Variants in QTMAN observed in about 807,000 individuals in gnomAD.
QTMAN encodes the protein tRNA-queuosine alpha-mannosyltransferase.
chr2:144,004,927 C>T, the QTMAN span, among the ~76,000 whole-genome samples: 27 of 152,032 alleles, frequency 1.8e-4, no homozygotes, highest in African/African-American at 5.1e-4. Flanking sequence ...CAATGCTCGG[C>T]GGCTCAGTGT....
the QTMAN span, among the ~76,000 whole-genome samples, chr2:144,216,131 T>C: frequency 6.6e-6 from 1 of 152,162 alleles, no homozygotes; most frequent in East Asian, 1.9e-4. Flanking sequence ...CTTCACACAT[T>C]TATCTCACCT....
At chr2:144,119,707 T>C in the QTMAN span, among the ~76,000 whole-genome samples, 2 of 152,210 alleles carry the variant, frequency 1.3e-5, no homozygotes, top group Admixed American at 1.3e-4. Context: ...ACCTGCTTCA[T>C]GGGGCTGTCT....
the QTMAN span, among the ~76,000 whole-genome samples, chr2:144,220,677 ATC>A: frequency 6.6e-6 from 1 of 152,160 alleles, no homozygotes. Flanking sequence ...TCCCCCTTGC[ATC>A]TCTCTCCAGC....
the QTMAN span, among the ~76,000 whole-genome samples, chr2:144,304,217 C>T: frequency 3.9e-5 from 6 of 152,202 alleles, no homozygotes. Context: ...AGAAGAATCA[C>T]ACCTTAGAAA....
the QTMAN span, among the ~76,000 whole-genome samples, chr2:143,949,113 C>CGT: frequency 7.4e-3 from 1,106 of 150,014 alleles, 9 homozygotes; most frequent in African/African-American, 0.018. Context: ...GCCAAGTGTA[C>CGT]GTGTGTGTGT....
the QTMAN span, among the ~76,000 whole-genome samples, chr2:144,273,316 A>C: frequency 7.9e-5 from 12 of 152,318 alleles, no homozygotes; most frequent in South Asian, 2.5e-3. Flanking sequence ...ACTCCTCCCT[A>C]AGATGTTATT....
chr2:144,113,400 A>C, the QTMAN span, among the ~76,000 whole-genome samples: 7 of 152,270 alleles, frequency 4.6e-5, no homozygotes, highest in South Asian at 1.5e-3. Flanking sequence ...AAATTAGCCA[A>C]TTTGAACAAC....
At chr2:143,952,081 A>C in the QTMAN span, 1 of 1,538,632 alleles carries the variant, frequency 6.5e-7, no homozygotes, top group Non-Finnish European at 9.0e-7. Context: ...CAGCTGCAGG[A>C]AAAACAGATA....
chr2:144,133,282 T>C, the QTMAN span, among the ~76,000 whole-genome samples: 33 of 67,154 alleles, frequency 4.9e-4, no homozygotes, highest in South Asian at 0.011. Context: ...TATTTATATA[T>C]ACATATATAA....
chr2:144,177,439 T>TA, the QTMAN span, among the ~76,000 whole-genome samples: 1 of 152,090 alleles, frequency 6.6e-6, no homozygotes, highest in Non-Finnish European at 1.5e-5. Flanking sequence ...ATATAAAGTA[T>TA]AATACTAGTT....
At chr2:144,244,670 T>A in the QTMAN span, among the ~76,000 whole-genome samples, 2 of 152,318 alleles carry the variant, frequency 1.3e-5, no homozygotes, top group African/African-American at 2.4e-5. Flanking sequence ...GAATTTTTTT[T>A]AAACGCAAAT....
the QTMAN span, among the ~76,000 whole-genome samples, chr2:144,147,875 GC>G: frequency 6.6e-6 from 1 of 151,712 alleles, no homozygotes; most frequent in Admixed American, 6.6e-5. Context: ...TAGTATTCCT[GC>G]CAAAAATGCC....
At chr2:144,168,107 T>A in the QTMAN span, among the ~76,000 whole-genome samples, 2 of 152,156 alleles carry the variant, frequency 1.3e-5, no homozygotes. Context: ...GAGACTAATG[T>A]AGGTTAATCA....
At chr2:144,179,141 T>C in the QTMAN span, among the ~76,000 whole-genome samples, 13 of 152,256 alleles carry the variant, frequency 8.5e-5, 1 homozygote, top group South Asian at 2.3e-3. Flanking sequence ...AAAAACCTCC[T>C]TGATTGAGGT....
At chr2:144,005,349 T>C in the QTMAN span, among the ~76,000 whole-genome samples, 1 of 152,142 alleles carries the variant, frequency 6.6e-6, no homozygotes, top group African/African-American at 2.4e-5. Flanking sequence ...AATATCCCCC[T>C]TCATATAGCT....
the QTMAN span, among the ~76,000 whole-genome samples, chr2:144,152,671 A>T: frequency 6.6e-6 from 1 of 152,204 alleles, no homozygotes; most frequent in Non-Finnish European, 1.5e-5. Flanking sequence ...CCAAGGTAAT[A>T]TGAACCAGAA....
the QTMAN span, among the ~76,000 whole-genome samples, chr2:144,127,113 C>G: frequency 6.6e-6 from 1 of 151,906 alleles, no homozygotes; most frequent in Non-Finnish European, 1.5e-5. Context: ...CCCGCACATT[C>G]AGGACATATA....
At chr2:144,003,593 T>C in the QTMAN span, among the ~76,000 whole-genome samples, 1 of 152,028 alleles carries the variant, frequency 6.6e-6, no homozygotes, top group Non-Finnish European at 1.5e-5. Context: ...TCTGCTAAAA[T>C]ACTGTCAGTT....
At chr2:144,249,972 A>G in the QTMAN span, among the ~76,000 whole-genome samples, 1 of 152,228 alleles carries the variant, frequency 6.6e-6, no homozygotes, top group Non-Finnish European at 1.5e-5. Flanking sequence ...AAAGCAGATC[A>G]GCAATTGTCT....
Sources: gnomAD v4.1 joint callset for allele counts (sites outside exome capture counted in the v4.1 genomes callset) on GRCh38, gnomAD v4.1.1 for gene constraint, MANE v1.5 for transcripts, NCBI Gene and HGNC (gene_info 2026-07-23, HGNC 2026-07-21) for gene names.